The following SPMIP7 variants were observed in gnomAD, a reference collection of about 807,000 sequenced individuals.
The protein encoded by SPMIP7 is protein SPMIP7.
the SPMIP7 span, chr7:50,120,317 T>C: frequency 5.3e-5 from 8 of 152,168 alleles, no homozygotes; most frequent in Non-Finnish European, 2.9e-5. Context: ...AACTTGAAGG[T>C]AATCCATAAA....
the SPMIP7 span, chr7:50,159,222 C>A: frequency 3.9e-6 from 6 of 1,532,040 alleles, no homozygotes; most frequent in Admixed American, 2.1e-5. Context: ...AAGGCTTGTG[C>A]GGCGGTGGGA....
the SPMIP7 span, among the ~76,000 whole-genome samples, chr7:50,099,579 G>A: frequency 6.6e-6 from 1 of 152,128 alleles, no homozygotes; most frequent in Admixed American, 6.6e-5. Context: ...CCAGAGATTT[G>A]GGAACCTCTG....
the SPMIP7 span, among the ~76,000 whole-genome samples, chr7:50,099,841 T>C: frequency 6.6e-6 from 1 of 152,156 alleles, no homozygotes; most frequent in Admixed American, 6.5e-5. Flanking sequence ...TAGATCTAGA[T>C]CTGTGGCATC....
the SPMIP7 span, chr7:50,159,223 G>T: frequency 1.3e-6 from 2 of 1,533,404 alleles, no homozygotes; most frequent in South Asian, 2.4e-5. Context: ...AGGCTTGTGC[G>T]GCGGTGGGAA....
At chr7:50,139,396 T>C in the SPMIP7 span, among the ~76,000 whole-genome samples, 1 of 151,966 alleles carries the variant, frequency 6.6e-6, no homozygotes, top group Non-Finnish European at 1.5e-5. Context: ...TATAGCAAGC[T>C]GAAGTTGATG....
the SPMIP7 span, among the ~76,000 whole-genome samples, chr7:50,132,642 A>T: frequency 1.3e-5 from 2 of 152,152 alleles, no homozygotes; most frequent in Non-Finnish European, 2.9e-5. Flanking sequence ...TACATACAAT[A>T]CTAGTCAGAT....
chr7:50,096,297 C>T, the SPMIP7 span: 1 of 1,551,744 alleles, frequency 6.4e-7, no homozygotes, highest in Non-Finnish European at 8.7e-7. Flanking sequence ...CACCCTTATC[C>T]CCCTTCAGTT....
the SPMIP7 span, among the ~76,000 whole-genome samples, chr7:50,114,678 CT>C: frequency 6.6e-6 from 1 of 152,054 alleles, no homozygotes; most frequent in African/African-American, 2.4e-5. Context: ...ATTATGTCCA[CT>C]GTTAAATAGA....
the SPMIP7 span, among the ~76,000 whole-genome samples, chr7:50,149,866 G>A: frequency 1.3e-5 from 2 of 152,268 alleles, no homozygotes; most frequent in African/African-American, 4.8e-5. Flanking sequence ...ATTGCAGTGT[G>A]AATCCTTCTC....
chr7:50,132,477 T>C, the SPMIP7 span, among the ~76,000 whole-genome samples: 15 of 152,278 alleles, frequency 9.9e-5, no homozygotes, highest in African/African-American at 3.4e-4. Flanking sequence ...TATCAAATCA[T>C]AGTATTAAGT....
At chr7:50,142,853 A>C in the SPMIP7 span, 1 of 152,218 alleles carries the variant, frequency 6.6e-6, no homozygotes. Flanking sequence ...ATACATACAT[A>C]TGAATCTCTA....
chr7:50,143,843 T>A, the SPMIP7 span, among the ~76,000 whole-genome samples: 1 of 152,250 alleles, frequency 6.6e-6, no homozygotes, highest in Non-Finnish European at 1.5e-5. Flanking sequence ...ATAGCTATGA[T>A]CACACTACAC....
At chr7:50,097,608 G>A in the SPMIP7 span, among the ~76,000 whole-genome samples, 1 of 150,494 alleles carries the variant, frequency 6.6e-6, no homozygotes, top group Non-Finnish European at 1.5e-5. Context: ...TTCTCTTTAT[G>A]CCTGTGTATC....
At chr7:50,118,016 C>T in the SPMIP7 span, among the ~76,000 whole-genome samples, 188 of 152,242 alleles carry the variant, frequency 1.2e-3, no homozygotes, top group Non-Finnish European at 2.4e-3. Context: ...CAAAGGAATT[C>T]CCTGGCAGAT....
the SPMIP7 span, among the ~76,000 whole-genome samples, chr7:50,101,900 C>T: frequency 6.6e-6 from 1 of 152,318 alleles, no homozygotes; most frequent in Middle Eastern, 3.4e-3. Context: ...TATTAGTTTT[C>T]TCTTGCTGCT....
chr7:50,155,477 A>G, the SPMIP7 span, among the ~76,000 whole-genome samples: 1 of 152,292 alleles, frequency 6.6e-6, no homozygotes, highest in Non-Finnish European at 1.5e-5. Context: ...GAGGGATCCG[A>G]TGCAGAGATT....
chr7:50,127,059 AC>A, the SPMIP7 span, among the ~76,000 whole-genome samples: 1 of 152,118 alleles, frequency 6.6e-6, no homozygotes, highest in African/African-American at 2.4e-5. Context: ...AAAAACAGAC[AC>A]AGAGACCAAT....
the SPMIP7 span, among the ~76,000 whole-genome samples, chr7:50,101,326 A>G: frequency 6.6e-6 from 1 of 152,236 alleles, no homozygotes; most frequent in African/African-American, 2.4e-5. Flanking sequence ...AACAAATACA[A>G]GACACTTGCC....
At chr7:50,136,021 T>C in the SPMIP7 span, 1 of 1,086,176 alleles carries the variant, frequency 9.2e-7, no homozygotes, top group African/African-American at 1.6e-5. Context: ...GAAAGGACTG[T>C]CAAGGGGACA....
Sources: allele counts gnomAD v4.1 joint callset (sites outside exome capture counted in the v4.1 genomes callset), GRCh38; gene constraint gnomAD v4.1.1; transcripts MANE v1.5; gene names NCBI Gene and HGNC (gene_info 2026-07-23, HGNC 2026-07-21).